The following FBXO16 variants were observed in gnomAD, a reference collection of about 807,000 sequenced individuals.
FBXO16 encodes F-box only protein 16.
A neutral mutation model predicts 41.0 loss-of-function variants in FBXO16; 31 were observed. That is an observed-to-expected ratio of 0.76 (90% CI 0.57 to 1.02). The LOEUF (loss-of-function observed/expected upper bound fraction) is 1.02, where lower values mean the gene tolerates loss of function less well. Ranked by LOEUF, FBXO16 falls within the 50% of genes least tolerant of loss-of-function variation. The pLI, the probability that FBXO16 is intolerant of heterozygous loss-of-function variation, is 0.00. For missense variants in FBXO16, 361 were observed against 346.2 expected, an observed-to-expected ratio of 1.04 and a Z score of -0.34; for synonymous variants, 133 against 117.8, an observed-to-expected ratio of 1.13 and a Z score of -0.84.
intron 7 of FBXO16, among the ~76,000 whole-genome samples, chr8:28,442,931 G>A (rs1320636936): frequency 6.6e-6 from 1 of 152,162 alleles, no homozygotes; most frequent in Non-Finnish European, 1.5e-5. Context: ...CACATCTGAA[G>A]GCTCTAAGTA....
intron 2 of FBXO16, among the ~76,000 whole-genome samples, chr8:28,482,768 G>A (rs898185721): frequency 6.6e-6 from 1 of 151,118 alleles, no homozygotes; most frequent in East Asian, 1.9e-4. Flanking sequence ...TAGTAGAAAC[G>A]GGGTTTCACC....
chr8:28,486,082 G>C (rs1197628293), intron 1 of FBXO16, among the ~76,000 whole-genome samples: 1 of 145,398 alleles, frequency 6.9e-6, no homozygotes, highest in African/African-American at 2.5e-5. Context: ...CTCCAGCCTG[G>C]GTGACAGAGT....
chr8:28,485,241 T>C (rs1476533862), intron 1 of FBXO16, among the ~76,000 whole-genome samples: 1 of 152,078 alleles, frequency 6.6e-6, no homozygotes, highest in Non-Finnish European at 1.5e-5. Context: ...GGTGCAGACA[T>C]GGCTCACTGC....
chr8:28,450,271 A>G (rs1283081526), intron 6 of FBXO16, among the ~76,000 whole-genome samples: 2 of 152,214 alleles, frequency 1.3e-5, no homozygotes, highest in Admixed American at 6.5e-5. Context: ...TCTACATGCA[A>G]AACAATGAAG....
chr8:28,488,293 CTTTTTTTTT>C (rs10708340), intron 1 of FBXO16, among the ~76,000 whole-genome samples: 6 of 96,194 alleles, frequency 6.2e-5, no homozygotes, highest in African/African-American at 2.4e-4. Context: ...TCTTCTAAGC[CTTTTTTTTT>C]TTTTTTTTTT....
intron 5 of FBXO16, 199 bp downstream of exon 5, chr8:28,456,567 T>C: frequency 1.8e-6 from 1 of 564,156 alleles, no homozygotes; most frequent in East Asian, 3.1e-5. Context: ...GGTTTGGGAG[T>C]GGCAAATGAG....
chr8:28,475,243 G>A (rs1245705203), intron 2 of FBXO16, among the ~76,000 whole-genome samples: 1 of 152,150 alleles, frequency 6.6e-6, no homozygotes, highest in Non-Finnish European at 1.5e-5. Flanking sequence ...TAACTCTCAA[G>A]CTCTGGTTGC....
intron 7 of FBXO16, among the ~76,000 whole-genome samples, chr8:28,440,181 C>T (rs1011189267): frequency 1.3e-5 from 2 of 152,054 alleles, no homozygotes; most frequent in African/African-American, 4.8e-5. Context: ...TGGCTCACTG[C>T]CCCCTTAACC....
At chr8:28,445,145 CATAA>C (rs762819382) in intron 7 of FBXO16, among the ~76,000 whole-genome samples, 8 of 152,012 alleles carry the variant, frequency 5.3e-5, no homozygotes, top group East Asian at 3.9e-4. Flanking sequence ...AACTACGAAA[CATAA>C]ATAGTGATTA....
intron 3 of FBXO16, 99 bp downstream of exon 3, chr8:28,473,673 G>C: frequency 2.0e-6 from 2 of 1,014,180 alleles, no homozygotes; most frequent in Non-Finnish European, 3.0e-6. Flanking sequence ...AAATATGTCT[G>C]TTATTTATAA....
rs10708776 is a variant in FBXO16 at position 28,456,199 on chromosome 8, GAA to G, written c.507+565_507+566del. On this transcript the variant is annotated intron_variant, in intron 5 of 8. Transcript: ENST00000380254. ...GGTTAGAATGCCTAAGAAGCCACTA[GAA>G]AAAAAAAATTCTTGCATTATTTACT... 7.7e-3 allele frequency among the ~76,000 whole-genome samples: 1,163 copies of G among 150,778 alleles called. 18 individuals carry two copies. The highest frequency in any genetic ancestry group is 0.026 in the African/African-American group (1,080 of 41,234).
chr8:28,451,898 C>T (rs566707592), intron 6 of FBXO16, among the ~76,000 whole-genome samples: 6 of 151,296 alleles, frequency 4.0e-5, no homozygotes, highest in South Asian at 2.1e-4. Flanking sequence ...GCAGGAGAAT[C>T]GCTTGAACCC....
chr8:28,439,926 A>G (rs1258850569), intron 7 of FBXO16, among the ~76,000 whole-genome samples: 3 of 151,940 alleles, frequency 2.0e-5, no homozygotes, highest in Non-Finnish European at 4.4e-5. Flanking sequence ...GACTGGAAAC[A>G]TAAAATAGTT....
chr8:28,480,988 C>T (rs1803501444), intron 2 of FBXO16, among the ~76,000 whole-genome samples: 1 of 152,110 alleles, frequency 6.6e-6, no homozygotes, highest in African/African-American at 2.4e-5. Flanking sequence ...TGAATGGACT[C>T]AGATAGGAGG....
At chr8:28,457,532 A>G (rs1172971561) in intron 4 of FBXO16, among the ~76,000 whole-genome samples, 2 of 152,212 alleles carry the variant, frequency 1.3e-5, no homozygotes, top group African/African-American at 4.8e-5. Flanking sequence ...ACATGGTGGC[A>G]GGCAAGAGAG....
chr8:28,472,142 G>A (rs1803348330), intron 3 of FBXO16, among the ~76,000 whole-genome samples: 1 of 152,128 alleles, frequency 6.6e-6, no homozygotes, highest in Admixed American at 6.5e-5. Context: ...TGCCCAGGCT[G>A]GAGTGCACCA....
intron 3 of FBXO16, among the ~76,000 whole-genome samples, chr8:28,465,670 G>A (rs1803225532): frequency 6.6e-6 from 1 of 151,846 alleles, no homozygotes; most frequent in Non-Finnish European, 1.5e-5. Context: ...GGAACAAAAA[G>A]TGGATTGATT....
At position 28,463,795 on chromosome 8, in the gene FBXO16, T is replaced by C. The variant is rs1240586601; in HGVS notation, c.159A>G (p.Gln53=). The C allele has an allele frequency of 6.2e-7, 1 of 1,613,806 alleles. No homozygotes were observed. The highest frequency in any genetic ancestry group is 8.5e-7 in the Non-Finnish European group (1 of 1,179,924). ...ACAGGCCTGTGAGGATTCTTCTTCT[T>C]TGAGAGTCTGTCCATTTGTCAAACT... The part of the protein sequence containing the change: ...GKWFDKWTDS[Q]RRRILTGLLE... Residue 53 remains glutamine, a synonymous_variant, in exon 4 of 9, where the codon CAA becomes CAG. Coordinates refer to ENST00000380254, the MANE Select transcript of FBXO16 (RefSeq NM_172366.4).
chr8:28,435,534 G>A (rs71519691), intron 7 of FBXO16, among the ~76,000 whole-genome samples: 2,708 of 152,168 alleles, frequency 0.018, 61 homozygotes, highest in African/African-American at 0.045. Context: ...ATGCAGAGGG[G>A]TAAGGAAATG....
Sources: allele counts gnomAD v4.1 joint callset (sites outside exome capture counted in the v4.1 genomes callset), GRCh38; gene constraint gnomAD v4.1.1; transcripts MANE v1.5; gene names NCBI Gene and HGNC (gene_info 2026-07-23, HGNC 2026-07-21).